Variants in LRRC49 observed in about 807,000 individuals in gnomAD.
The protein encoded by LRRC49 is leucine rich repeat containing 49.
In LRRC49, 50 loss-of-function variants were observed where a neutral mutation model predicts 83.3. That is an observed-to-expected ratio of 0.60 (90% confidence interval 0.48 to 0.76). The LOEUF is 0.76. LRRC49 is among the 30% of genes least tolerant of loss of function. LRRC49 has a pLI of 0.00. For missense variants in LRRC49, 704 were observed against 809.1 expected (o/e 0.87, Z 1.58); for synonymous variants, 286 against 283.3 (o/e 1.01, Z -0.10).
chr15:70,955,373 G>A (rs1346074530), intron 8 of LRRC49, among the ~76,000 whole-genome samples: 1 of 152,134 alleles, frequency 6.6e-6, no homozygotes, highest in African/African-American at 2.4e-5. Flanking sequence ...GGACAGTTGT[G>A]GTCTGTGGTT....
rs1006507809 is a variant in LRRC49 at position 70,871,970 on chromosome 15, C to T, written c.-298-938C>T. ...CAGACGATGGGCGGCCAGGCAGAGACGCTCCTCACTTCCCAGACGGGATGG... is the reference window on the plus strand; with the variant it reads ...CAGACGATGGGCGGCCAGGCAGAGATGCTCCTCACTTCCCAGACGGGATGG... On this transcript the variant is annotated intron_variant, in intron 1 of 16. Transcript: ENST00000544974. 5.3e-5 allele frequency among the ~76,000 whole-genome samples: 8 copies of T among 151,982 alleles called. No homozygotes were observed. The East Asian group carries it at 1.6e-3, about 30-fold the overall frequency.
At chr15:70,858,245 G>C (rs906474541) in intron 1 of LRRC49, among the ~76,000 whole-genome samples, 1 of 152,178 alleles carries the variant, frequency 6.6e-6, no homozygotes, top group Non-Finnish European at 1.5e-5. Flanking sequence ...ACAAAATCGA[G>C]GACTTCCCTG....
intron 8 of LRRC49, among the ~76,000 whole-genome samples, chr15:70,941,461 A>C (rs1283450898): frequency 6.6e-6 from 1 of 151,624 alleles, no homozygotes; most frequent in Non-Finnish European, 1.5e-5. Context: ...CAATTTACTG[A>C]AGAGTCAGAG....
intron 8 of LRRC49, among the ~76,000 whole-genome samples, chr15:70,961,053 A>C (rs892506784): frequency 1.3e-5 from 2 of 152,190 alleles, no homozygotes; most frequent in African/African-American, 4.8e-5. Context: ...CTTGTATCCA[A>C]ATTTTAAAAA....
upstream of LRRC49, chr15:70,892,649 G>A: frequency 6.9e-7 from 1 of 1,446,058 alleles, no homozygotes; most frequent in Non-Finnish European, 9.1e-7. Context: ...CTCCCGCTCT[G>A]TTTTTATGAG....
At chr15:70,993,353 G>C (rs770796770) in intron 11 of LRRC49, among the ~76,000 whole-genome samples, 1 of 152,194 alleles carries the variant, frequency 6.6e-6, no homozygotes, top group East Asian at 1.9e-4. Flanking sequence ...GCCTCACCCT[G>C]CTTTGGCTCA....
chr15:71,024,860 C>T (rs1206410322), intron 14 of LRRC49, among the ~76,000 whole-genome samples: 1 of 152,004 alleles, frequency 6.6e-6, no homozygotes. Context: ...AGGAACATAG[C>T]GACCTGATGG....
At position 71,012,835 on chromosome 15, in the gene LRRC49, G is replaced by A; in HGVS notation, c.1625G>A (p.Arg542Lys). The change falls in exon 14 of 16, where the codon AGG becomes AAG. Residue 542 changes from arginine (R) to lysine (K), a missense_variant. Arg to Lys is a conservative substitution (Grantham distance 26). Transcript: ENST00000260382. The stretch of plus-strand genomic sequence containing the variant: ...CAGAATGATATGATAATGGCTGAAA[G>A]GCTCTTTGGAATCCTAGCACATGTA... ...VTQNDMIMAE[R>K]LFGILAHVAS... 6.2e-7 allele frequency: 1 copy of A among 1,612,920 alleles called. No individual in the cohort carries two copies. The highest frequency in any genetic ancestry group is 8.5e-7 in the Non-Finnish European group (1 of 1,179,274).
intron 9 of LRRC49, among the ~76,000 whole-genome samples, chr15:70,978,878 T>C (rs560816190): frequency 1.1e-4 from 16 of 152,314 alleles, no homozygotes; most frequent in African/African-American, 3.8e-4. Context: ...ACTGATTCTC[T>C]CTTCAGCTGT....
intron 15 of LRRC49, among the ~76,000 whole-genome samples, chr15:71,043,848 A>G (rs1420058655): frequency 6.6e-6 from 1 of 152,240 alleles, no homozygotes; most frequent in East Asian, 1.9e-4. Context: ...ATTTAACAAA[A>G]TATATCATTT....
At chr15:71,046,123 T>C (rs922573708) in intron 15 of LRRC49, among the ~76,000 whole-genome samples, 1 of 152,212 alleles carries the variant, frequency 6.6e-6, no homozygotes, top group Non-Finnish European at 1.5e-5. Context: ...GTTGGTTCTA[T>C]GTCTTTGCTA....
At chr15:70,983,464 G>A (rs189068248) in intron 10 of LRRC49, among the ~76,000 whole-genome samples, 78 of 152,236 alleles carry the variant, frequency 5.1e-4, no homozygotes, top group African/African-American at 1.6e-3. Flanking sequence ...TAAGACATCC[G>A]TTGCTTATAA....
chr15:70,891,436 A>G (rs1050228288), upstream of LRRC49, among the ~76,000 whole-genome samples: 1 of 152,170 alleles, frequency 6.6e-6, no homozygotes, highest in African/African-American at 2.4e-5. Context: ...GACTTTCCTC[A>G]AGCTTATGTA....
upstream of LRRC49, chr15:70,892,470 C>T (rs1157806424): frequency 1.3e-6 from 2 of 1,531,242 alleles, no homozygotes; most frequent in Non-Finnish European, 8.7e-7. Flanking sequence ...ATATCTTCCT[C>T]CTCCTCCTCC....
intron 3 of LRRC49, 151 bp from the exon 4 acceptor site, chr15:70,900,771 T>A (rs1399180667): frequency 3.4e-6 from 2 of 597,002 alleles, no homozygotes; most frequent in East Asian, 5.9e-5. Flanking sequence ...AAATTCAGCT[T>A]AGTAATTAAT....
At chr15:70,887,130 TA>T (rs1195923281) in intron 2 of LRRC49, among the ~76,000 whole-genome samples, 1 of 152,050 alleles carries the variant, frequency 6.6e-6, no homozygotes, top group Admixed American at 6.5e-5. Flanking sequence ...GAATCCATCA[TA>T]AAAAACCTTT....
chr15:71,048,768 G>A (rs555703151), intron 15 of LRRC49: 6 of 455,916 alleles, frequency 1.3e-5, no homozygotes, highest in African/African-American at 1.2e-4. Flanking sequence ...TTTAGGACCA[G>A]GTTTTTCATT....
chr15:71,006,419 CA>C (rs2038460235), intron 11 of LRRC49, among the ~76,000 whole-genome samples: 1 of 152,116 alleles, frequency 6.6e-6, no homozygotes, highest in African/African-American at 2.4e-5. Flanking sequence ...ATCATTTTTA[CA>C]TTAAACTTTT....
intron 1 of LRRC49, among the ~76,000 whole-genome samples, chr15:70,867,277 A>G (rs7169030): frequency 6.6e-6 from 1 of 152,184 alleles, no homozygotes; most frequent in East Asian, 1.9e-4. Flanking sequence ...AGACTGAAAG[A>G]CAAGAGCATA....
Sources: gnomAD v4.1 joint callset for allele counts (sites outside exome capture counted in the v4.1 genomes callset) on GRCh38, gnomAD v4.1.1 for gene constraint, MANE v1.5 for transcripts, NCBI Gene and HGNC (gene_info 2026-07-23, HGNC 2026-07-21) for gene names.